STXBP5L: variants seen among roughly 807,000 people sequenced by gnomAD.
STXBP5L encodes the protein syntaxin-binding protein 5-like.
In STXBP5L, 65 loss-of-function variants were observed where a neutral mutation model predicts 144.5. That is an observed-to-expected ratio of 0.45 (90% CI 0.37 to 0.55). The LOEUF is 0.55. Ranked by LOEUF, STXBP5L falls within the 20% of genes least tolerant of loss-of-function variation. STXBP5L has a pLI of 0.00. For missense variants in STXBP5L, 1,298 were observed against 1,405.5 expected (o/e 0.92, Z 1.22); for synonymous variants, 505 against 469.6 (o/e 1.08, Z -0.97).
At chr3:121,282,311 C>T (rs770081102) in intron 19 of STXBP5L, 12 of 1,611,832 alleles carry the variant, frequency 7.4e-6, no homozygotes, top group Admixed American at 1.7e-5. Context: ...CCTGATTTAA[C>T]GAAACGGATC....
chr3:121,236,853 G>C (rs1446726361), intron 12 of STXBP5L, among the ~76,000 whole-genome samples: 1 of 152,204 alleles, frequency 6.6e-6, no homozygotes, highest in East Asian at 1.9e-4. Flanking sequence ...TTACTTCCAA[G>C]GTAAAAATGG....
At chr3:121,139,453 C>T (rs757732769) in intron 7 of STXBP5L, among the ~76,000 whole-genome samples, 1 of 151,950 alleles carries the variant, frequency 6.6e-6, no homozygotes, top group Non-Finnish European at 1.5e-5. Context: ...ACAATTAAGG[C>T]GGAATATGAA....
chr3:121,324,273 T>A (rs2044072784), intron 20 of STXBP5L, among the ~76,000 whole-genome samples: 1 of 152,144 alleles, frequency 6.6e-6, no homozygotes, highest in African/African-American at 2.4e-5. Flanking sequence ...TTCTGGGCAT[T>A]CCTATGTGCC....
At chr3:121,217,126 G>T (rs1052126965) in intron 10 of STXBP5L, among the ~76,000 whole-genome samples, 2 of 152,162 alleles carry the variant, frequency 1.3e-5, no homozygotes, top group Non-Finnish European at 2.9e-5. Context: ...GCTCTGTGGG[G>T]TTGGGATCCA....
intron 3 of STXBP5L, among the ~76,000 whole-genome samples, chr3:121,017,812 C>T (rs1036462598): frequency 1.3e-5 from 2 of 152,040 alleles, no homozygotes; most frequent in Non-Finnish European, 2.9e-5. Context: ...GGTGATGGTT[C>T]ATGGCTGTAA....
At chr3:121,135,823 A>G (rs938587306) in intron 7 of STXBP5L, among the ~76,000 whole-genome samples, 3 of 152,052 alleles carry the variant, frequency 2.0e-5, no homozygotes, top group Admixed American at 2.0e-4. Context: ...TGTCATGAAA[A>G]TCCACAACAC....
intron 3 of STXBP5L, among the ~76,000 whole-genome samples, chr3:120,960,545 A>G (rs910568686): frequency 7.9e-5 from 12 of 152,220 alleles, no homozygotes; most frequent in Non-Finnish European, 1.6e-4. Context: ...TTAAGAAAAT[A>G]TGACACATAT....
chr3:121,317,606 A>G (rs986370889), intron 19 of STXBP5L, among the ~76,000 whole-genome samples: 1 of 152,206 alleles, frequency 6.6e-6, no homozygotes, highest in Non-Finnish European at 1.5e-5. Context: ...GAAATTATGA[A>G]TATTTATTTC....
At chr3:121,041,602 C>A (rs905786873) in intron 3 of STXBP5L, 98 bp from the exon 4 acceptor site, 2 of 901,166 alleles carry the variant, frequency 2.2e-6, no homozygotes, top group Non-Finnish European at 3.5e-6. Context: ...TAAGGGAAAC[C>A]AAATAGCAAA....
intron 2 of STXBP5L, among the ~76,000 whole-genome samples, chr3:120,944,962 A>G (rs555560648): frequency 5.3e-5 from 8 of 151,982 alleles, no homozygotes; most frequent in African/African-American, 1.7e-4. Context: ...CTGTTATTGA[A>G]AACAAGCATC....
chr3:121,388,395 C>T (rs2046484154), intron 22 of STXBP5L, among the ~76,000 whole-genome samples: 1 of 152,168 alleles, frequency 6.6e-6, no homozygotes, highest in African/African-American at 2.4e-5. Context: ...CTATTTCTTT[C>T]TCTTGCCGGA....
intron 11 of STXBP5L, among the ~76,000 whole-genome samples, chr3:121,231,674 T>C (rs1260638378): frequency 6.6e-6 from 1 of 152,120 alleles, no homozygotes; most frequent in Non-Finnish European, 1.5e-5. Context: ...TGCAATGTGG[T>C]ACTTATGGAG....
chr3:120,987,494 T>C (rs1054746688), intron 3 of STXBP5L, among the ~76,000 whole-genome samples: 10 of 151,918 alleles, frequency 6.6e-5, no homozygotes, highest in Admixed American at 5.9e-4. Flanking sequence ...GTTTCAAGAG[T>C]TTTTATATAT....
At chr3:121,381,182 A>G in intron 21 of STXBP5L, 111 bp from the exon 22 acceptor site, 1 of 1,114,146 alleles carries the variant, frequency 9.0e-7, no homozygotes, top group Non-Finnish European at 1.3e-6. Context: ...CAATTAACAA[A>G]CAATGAAATT....
intron 3 of STXBP5L, among the ~76,000 whole-genome samples, chr3:121,023,568 G>A (rs1945713842): frequency 6.6e-6 from 1 of 152,132 alleles, no homozygotes; most frequent in African/African-American, 2.4e-5. Context: ...GAACAGGATA[G>A]AGAACCCAGA....
chr3:121,253,115 G>A (rs2050080115), intron 15 of STXBP5L, among the ~76,000 whole-genome samples: 1 of 151,902 alleles, frequency 6.6e-6, no homozygotes, highest in African/African-American at 2.4e-5. Context: ...TTTTACTGTT[G>A]TCATGTAACA....
intron 5 of STXBP5L, among the ~76,000 whole-genome samples, chr3:121,053,809 A>C (rs947536193): frequency 6.6e-6 from 1 of 152,074 alleles, no homozygotes; most frequent in South Asian, 2.1e-4. Flanking sequence ...GCAACCTACA[A>C]AATGGGAGAA....
chr3:121,045,083 A>T (rs1947420498), intron 4 of STXBP5L, among the ~76,000 whole-genome samples: 1 of 152,120 alleles, frequency 6.6e-6, no homozygotes, highest in Non-Finnish European at 1.5e-5. Flanking sequence ...GTAAGGCTAT[A>T]TAGTATATGT....
chr3:121,106,448 T>C (rs997283784), intron 5 of STXBP5L, among the ~76,000 whole-genome samples: 1 of 151,940 alleles, frequency 6.6e-6, no homozygotes, highest in Non-Finnish European at 1.5e-5. Flanking sequence ...TTGTTCCCCA[T>C]GTATTCTCAT....
Sources: allele counts gnomAD v4.1 joint callset (sites outside exome capture counted in the v4.1 genomes callset), GRCh38; gene constraint gnomAD v4.1.1; transcripts MANE v1.5; gene names NCBI Gene and HGNC (gene_info 2026-07-23, HGNC 2026-07-21).